Variants in HERPUD2 observed in about 807,000 individuals in gnomAD.
HERPUD2 encodes HERPUD family member 2.
A neutral mutation model predicts 49.9 loss-of-function variants in HERPUD2; 13 were observed. That is an observed-to-expected ratio of 0.26 (90% CI 0.17 to 0.41). The LOEUF is 0.41. Ranked by LOEUF, HERPUD2 falls within the 10% of genes least tolerant of loss-of-function variation. The probability of loss-of-function intolerance (pLI) is 1.00; values close to 1 mark genes in which losing one functional copy is unlikely to be tolerated. For synonymous variants in HERPUD2, 172 were observed against 171.4 expected (o/e 1.00, Z -0.03); for missense variants, 449 against 492.2 (o/e 0.91, Z 0.83).
In HERPUD2 at chr7:35,636,226, T is replaced by C. The variant is rs80174484; in HGVS notation, c.618-768A>G. ...GTCAAAGCTGGGTGATAGGTACACA[T>C]GGATTCCTTTTACTACCCTACCTTG... On this transcript the variant is annotated intron_variant, in intron 6 of 8. Coordinates refer to ENST00000311350, the MANE Select transcript of HERPUD2 (RefSeq NM_022373.5). Among the ~76,000 whole-genome samples the C allele has an allele frequency of 2.0e-4, 31 of 152,348 alleles. No individual in the cohort carries two copies. In the East Asian group the frequency reaches 5.8e-3, roughly 28 times the overall value.
At chr7:35,667,757 C>A (rs371264501) in intron 4 of HERPUD2, among the ~76,000 whole-genome samples, 169 bp from the exon 5 acceptor site, 1 of 152,002 alleles carries the variant, frequency 6.6e-6, no homozygotes, top group African/African-American at 2.4e-5. Context: ...AATTTTAGTA[C>A]GTCAAAACTT....
intron 5 of HERPUD2, among the ~76,000 whole-genome samples, chr7:35,665,462 T>C (rs919295940): frequency 2.0e-5 from 3 of 152,220 alleles, no homozygotes; most frequent in African/African-American, 4.8e-5. Flanking sequence ...CTAAGGCCAT[T>C]GGAAAAGTGC....
intron 7 of HERPUD2, among the ~76,000 whole-genome samples, chr7:35,634,734 C>A (rs1784842303): frequency 6.6e-6 from 1 of 152,054 alleles, no homozygotes; most frequent in Non-Finnish European, 1.5e-5. Context: ...TATTTGTTTG[C>A]CCCTTGGAGA....
At chr7:35,644,528 G>T (rs1418610616) in intron 5 of HERPUD2, among the ~76,000 whole-genome samples, 1 of 152,214 alleles carries the variant, frequency 6.6e-6, no homozygotes, top group East Asian at 1.9e-4. Context: ...AGAACTCTGG[G>T]AGCCTGAGGC....
At chr7:35,646,275 T>C (rs1785052981) in intron 5 of HERPUD2, among the ~76,000 whole-genome samples, 1 of 152,134 alleles carries the variant, frequency 6.6e-6, no homozygotes, top group African/African-American at 2.4e-5. Context: ...AAGTAAAGGA[T>C]AATGAGCTGG....
At position 35,694,360 on chromosome 7, in the gene HERPUD2, G is replaced by A. The variant is rs763587692; in HGVS notation, c.-30C>T. Reference sequence around the variant, plus strand: ...CCCCCAAAGTCAGACAGAGTCCAGAGGAGCGGCAGTTAAGCCCAAAAGAGC... The same window carrying A: ...CCCCCAAAGTCAGACAGAGTCCAGAAGAGCGGCAGTTAAGCCCAAAAGAGC... On this transcript the variant is annotated 5_prime_UTR_variant, in exon 2 of 9. Coordinates refer to ENST00000311350, the MANE Select transcript of HERPUD2 (RefSeq NM_022373.5). 9.9e-6 allele frequency: 16 copies of A among 1,613,652 alleles called. No homozygotes were observed. The highest frequency in any genetic ancestry group is 8.8e-5 in the South Asian group (8 of 91,060).
In HERPUD2 at chr7:35,665,682, G is replaced by A. The variant is rs145105577; in HGVS notation, c.494+1752C>T. 6.3e-3 allele frequency among the ~76,000 whole-genome samples: 955 copies of A among 152,310 alleles called. 11 individuals carry two copies. Among genetic ancestry groups the A allele is most frequent in the African/African-American group, 0.021 (878 of 41,562 alleles). ...GCAGAAATCGCCCATCTTCTGCATC[G>A]TTCATGCTGGGAGCTGCAGACTGGA... On this transcript the variant is annotated intron_variant, in intron 5 of 8. Coordinates refer to ENST00000311350, the MANE Select transcript of HERPUD2 (RefSeq NM_022373.5).
chr7:35,636,455 G>A (rs1036219818), intron 6 of HERPUD2, among the ~76,000 whole-genome samples: 4 of 152,136 alleles, frequency 2.6e-5, no homozygotes, highest in Middle Eastern at 3.2e-3. Flanking sequence ...TTAAAGGGGA[G>A]AAACTAAGGC....
At chr7:35,669,868 G>A (rs1409903354) in intron 4 of HERPUD2, among the ~76,000 whole-genome samples, 2 of 151,856 alleles carry the variant, frequency 1.3e-5, no homozygotes, top group East Asian at 1.9e-4. Context: ...TTAAATACCT[G>A]GCATATTTCT....
intron 2 of HERPUD2, 50 bp from the exon 3 acceptor site, chr7:35,673,328 T>A: frequency 7.0e-7 from 1 of 1,438,428 alleles, no homozygotes; most frequent in South Asian, 1.2e-5. Flanking sequence ...TTATGCAAAT[T>A]GAAGGTTGGG....
intron 5 of HERPUD2, among the ~76,000 whole-genome samples, chr7:35,652,123 C>A (rs1235435626): frequency 6.6e-6 from 1 of 152,130 alleles, no homozygotes; most frequent in Non-Finnish European, 1.5e-5. Flanking sequence ...CTATACATTT[C>A]TGGAATGCCA....
chr7:35,667,330 T>G, intron 5 of HERPUD2, 104 bp downstream of exon 5: 1 of 1,037,360 alleles, frequency 9.6e-7, no homozygotes, highest in South Asian at 1.7e-5. Context: ...TGAATAAATT[T>G]AAAATGTACT....
rs1785099703 is a variant in HERPUD2 at position 35,648,638 on chromosome 7, CAGAT to C, written c.495-10170_495-10167del. On this transcript the variant is annotated intron_variant, in intron 5 of 8. Coordinates refer to ENST00000311350, the MANE Select transcript of HERPUD2 (RefSeq NM_022373.5). ...GCCAATGTAGTATTAGTAAATGTGACAGATAGAAGACTTCAAATGTGCTCAGTCA... is the reference window on the plus strand; with the variant it reads ...GCCAATGTAGTATTAGTAAATGTGACAGAAGACTTCAAATGTGCTCAGTCA... Among the ~76,000 whole-genome samples, 4 of 152,178 alleles carry C rather than the reference CAGAT, an allele frequency of 2.6e-5. No homozygotes were observed. The South Asian group carries it at 8.3e-4, about 32-fold the overall frequency.
intron 5 of HERPUD2, among the ~76,000 whole-genome samples, chr7:35,659,739 T>C (rs1025476624): frequency 2.6e-4 from 39 of 152,268 alleles, no homozygotes; most frequent in African/African-American, 9.4e-4. Flanking sequence ...AAATAAAATA[T>C]AATTCATCTA....
chr7:35,658,748 G>A (rs1384490229), intron 5 of HERPUD2, among the ~76,000 whole-genome samples: 2 of 152,168 alleles, frequency 1.3e-5, no homozygotes, highest in African/African-American at 2.4e-5. Flanking sequence ...AATTGTTAGA[G>A]TAAATAAACC....
intron 2 of HERPUD2, among the ~76,000 whole-genome samples, chr7:35,691,974 A>G (rs1482213395): frequency 6.6e-6 from 1 of 152,232 alleles, no homozygotes; most frequent in Non-Finnish European, 1.5e-5. Context: ...CCACCGCTCC[A>G]GAGCTCCACC....
At chr7:35,679,848 A>G (rs891955627) in intron 2 of HERPUD2, among the ~76,000 whole-genome samples, 2 of 152,162 alleles carry the variant, frequency 1.3e-5, no homozygotes, top group African/African-American at 2.4e-5. Flanking sequence ...TCCCTATCCC[A>G]TAACAACCTG....
chr7:35,684,212 C>T (rs1785980531), intron 2 of HERPUD2, among the ~76,000 whole-genome samples: 1 of 152,100 alleles, frequency 6.6e-6, no homozygotes, highest in Non-Finnish European at 1.5e-5. Context: ...CGGTGAAACC[C>T]TGTCTCTACT....
intron 2 of HERPUD2, among the ~76,000 whole-genome samples, chr7:35,685,673 A>C (rs1048035092): frequency 2.0e-5 from 3 of 151,958 alleles, no homozygotes; most frequent in Non-Finnish European, 2.9e-5. Flanking sequence ...TTTAAATATC[A>C]ATGAATTTAA....
Sources: gnomAD v4.1 joint callset for allele counts (sites outside exome capture counted in the v4.1 genomes callset) on GRCh38, gnomAD v4.1.1 for gene constraint, MANE v1.5 for transcripts, NCBI Gene and HGNC (gene_info 2026-07-23, HGNC 2026-07-21) for gene names.